RGL1: variants seen among roughly 807,000 people sequenced by gnomAD.
RGL1 encodes the protein ral guanine nucleotide dissociation stimulator like 1, also known as ral guanine nucleotide dissociation stimulator-like 1.
In RGL1, 24 loss-of-function variants were observed where a neutral mutation model predicts 95.2. That is an observed-to-expected ratio of 0.25 (90% CI 0.18 to 0.35). The LOEUF is 0.35. Ranked by LOEUF, RGL1 falls within the 10% of genes least tolerant of loss-of-function variation. The probability of loss-of-function intolerance (pLI) is 1.00; values close to 1 mark genes in which losing one functional copy is unlikely to be tolerated. For missense variants in RGL1, 715 were observed against 936.3 expected, an observed-to-expected ratio of 0.76 and a Z score of 3.08; for synonymous variants, 329 against 344.9, an observed-to-expected ratio of 0.95 and a Z score of 0.51.
At chr1:183,877,304 A>G (rs1447723995) in intron 4 of RGL1, among the ~76,000 whole-genome samples, 2 of 152,226 alleles carry the variant, frequency 1.3e-5, no homozygotes, top group East Asian at 3.8e-4. Context: ...TGGTTAATAT[A>G]TAAGTTAGAT....
intron 1 of RGL1, among the ~76,000 whole-genome samples, chr1:183,658,660 C>A (rs1290885971): frequency 1.3e-5 from 2 of 152,004 alleles, no homozygotes; most frequent in Non-Finnish European, 2.9e-5. Flanking sequence ...ACAGCAGTAA[C>A]CTCTGCAGAC....
At chr1:183,740,004 A>G (rs1224598110) in intron 1 of RGL1, among the ~76,000 whole-genome samples, 1 of 152,214 alleles carries the variant, frequency 6.6e-6, no homozygotes, top group Non-Finnish European at 1.5e-5. Flanking sequence ...GTTTGTTTCC[A>G]TAATATACGA....
intron 1 of RGL1, among the ~76,000 whole-genome samples, chr1:183,707,148 G>A (rs1398786800): frequency 6.6e-6 from 1 of 152,172 alleles, no homozygotes; most frequent in Admixed American, 6.5e-5. Context: ...CCAGTGGGGG[G>A]CCTGGTTGGG....
At chr1:183,882,804 A>G (rs1193340792) in intron 5 of RGL1, among the ~76,000 whole-genome samples, 1 of 152,240 alleles carries the variant, frequency 6.6e-6, no homozygotes, top group African/African-American at 2.4e-5. Context: ...GACTTAATCC[A>G]AGATGCCCAA....
intron 2 of RGL1, among the ~76,000 whole-genome samples, chr1:183,752,858 A>G (rs889485027): frequency 2.0e-5 from 3 of 152,122 alleles, no homozygotes; most frequent in Admixed American, 6.6e-5. Flanking sequence ...GAGCTAGCAT[A>G]AAGTTTAACT....
chr1:183,832,820 ATTG>A (rs750930307), intron 2 of RGL1, among the ~76,000 whole-genome samples: 9 of 152,194 alleles, frequency 5.9e-5, no homozygotes, highest in Admixed American at 3.3e-4. Flanking sequence ...AATGCTTGGA[ATTG>A]TTGTTGTTAT....
At chr1:183,692,133 T>A (rs1653980920) in intron 1 of RGL1, among the ~76,000 whole-genome samples, 1 of 152,058 alleles carries the variant, frequency 6.6e-6, no homozygotes, top group Non-Finnish European at 1.5e-5. Context: ...AAGTCATATA[T>A]GTGGCAGATA....
chr1:183,727,412 A>G (rs1343608609), intron 1 of RGL1, among the ~76,000 whole-genome samples: 1 of 152,224 alleles, frequency 6.6e-6, no homozygotes, highest in Non-Finnish European at 1.5e-5. Flanking sequence ...TTCTATGAAT[A>G]TACTAAAAAC....
intron 8 of RGL1, among the ~76,000 whole-genome samples, chr1:183,889,826 T>G (rs544135842): frequency 6.6e-6 from 1 of 152,350 alleles, no homozygotes; most frequent in Non-Finnish European, 1.5e-5. Flanking sequence ...ATGACATCAA[T>G]ATTTATCAGT....
intron 3 of RGL1, among the ~76,000 whole-genome samples, chr1:183,849,079 A>G (rs1664639981): frequency 6.8e-6 from 1 of 146,622 alleles, no homozygotes; most frequent in Admixed American, 6.8e-5. Context: ...TTTTCATTTA[A>G]AAAATTTTTT....
chr1:183,651,522 A>C (rs1650751017), intron 1 of RGL1, among the ~76,000 whole-genome samples: 1 of 152,192 alleles, frequency 6.6e-6, no homozygotes, highest in Non-Finnish European at 1.5e-5. Flanking sequence ...TATCCTGGGC[A>C]GAAAATATGT....
intron 2 of RGL1, among the ~76,000 whole-genome samples, chr1:183,793,065 A>T (rs1220787833): frequency 6.6e-6 from 1 of 152,218 alleles, no homozygotes; most frequent in Non-Finnish European, 1.5e-5. Flanking sequence ...TAACCAAAAC[A>T]GTATGGTATT....
At chr1:183,711,460 GA>G (rs1655261427) in intron 1 of RGL1, among the ~76,000 whole-genome samples, 1 of 152,138 alleles carries the variant, frequency 6.6e-6, no homozygotes, top group Admixed American at 6.5e-5. Flanking sequence ...GAGTATGTAG[GA>G]GGTGTTGGGG....
At chr1:183,650,306 G>A (rs1168060535) in intron 1 of RGL1, among the ~76,000 whole-genome samples, 1 of 152,160 alleles carries the variant, frequency 6.6e-6, no homozygotes, top group African/African-American at 2.4e-5. Flanking sequence ...CACTTTGGGA[G>A]GCCAGGGTGG....
intron 2 of RGL1, among the ~76,000 whole-genome samples, chr1:183,777,471 A>T (rs1659661551): frequency 1.3e-5 from 2 of 152,226 alleles, no homozygotes; most frequent in Non-Finnish European, 2.9e-5. Flanking sequence ...AAGGAGGATT[A>T]CATTCTAATG....
intron 2 of RGL1, among the ~76,000 whole-genome samples, chr1:183,829,157 G>A (rs1663085212): frequency 6.6e-6 from 1 of 152,084 alleles, no homozygotes. Flanking sequence ...TTCTGATGAA[G>A]GTGGATCAGC....
chr1:183,918,972 G>A (rs940627132), intron 16 of RGL1, among the ~76,000 whole-genome samples: 5 of 152,300 alleles, frequency 3.3e-5, no homozygotes, highest in South Asian at 2.1e-4. Flanking sequence ...AGGTTCAGGC[G>A]AGACTAGCAG....
intron 2 of RGL1, among the ~76,000 whole-genome samples, chr1:183,760,934 G>A (rs533865010): frequency 4.6e-5 from 7 of 152,214 alleles, no homozygotes; most frequent in South Asian, 2.1e-4. Flanking sequence ...GAAGTCACTC[G>A]TTGTCCATTC....
chr1:183,897,372 A>G (rs1452970092), intron 9 of RGL1, among the ~76,000 whole-genome samples: 1 of 152,114 alleles, frequency 6.6e-6, no homozygotes, highest in Non-Finnish European at 1.5e-5. Context: ...CATCTCTACT[A>G]AAAACAAAAA....
Sources: gnomAD v4.1 joint callset for allele counts (sites outside exome capture counted in the v4.1 genomes callset) on GRCh38, gnomAD v4.1.1 for gene constraint, MANE v1.5 for transcripts, NCBI Gene and HGNC (gene_info 2026-07-23, HGNC 2026-07-21) for gene names.